Variants in PPL observed in about 807,000 individuals in gnomAD.
The protein encoded by PPL is periplakin.
A neutral mutation model predicts 194.4 loss-of-function variants in PPL; 198 were observed. That is an observed-to-expected ratio of 1.02 (90% CI 0.91 to 1.15). The LOEUF (loss-of-function observed/expected upper bound fraction) is 1.15, where lower values mean the gene tolerates loss of function less well. Among genes scored for constraint, PPL ranks in the 50% most tolerant of loss-of-function variants. The pLI, the probability that PPL is intolerant of heterozygous loss-of-function variation, is 0.00. For synonymous variants in PPL, 1,220 were observed against 972.4 expected (o/e 1.25, Z -4.74); for missense variants, 2,885 against 2,294.8 (o/e 1.26, Z -5.25).
In PPL at chr16:4,890,747, G is replaced by A. The variant is rs763851606; in HGVS notation, c.2143C>T (p.Arg715Cys). Residue 715 changes from arginine to cysteine, a missense_variant, in exon 17 of 22, where the codon CGC becomes TGC. By Grantham distance (180) the Arg-to-Cys change is radical. Transcript: ENST00000345988. ...CCTCACCTGCGTTCCACCTGCTGGC[G>A]CAGGTTGTTGAAACGCTGGCCCAGC... The part of the protein sequence containing the change: ...HKLGQRFNNL[R>C]QQVERRAQSL... 5.0e-6 allele frequency: 8 copies of A among 1,607,740 alleles called. No individual in the cohort carries two copies. Among genetic ancestry groups the A allele is most frequent in the Middle Eastern group, 1.6e-4 (1 of 6,074 alleles).
intron 6 of PPL, among the ~76,000 whole-genome samples, chr16:4,900,173 A>G (rs1323193052): frequency 1.3e-5 from 2 of 152,220 alleles, no homozygotes; most frequent in African/African-American, 4.8e-5. Flanking sequence ...AAGCGTTTGC[A>G]TAACACTTAT....
At chr16:4,930,327 G>A (rs1017496948) in intron 1 of PPL, among the ~76,000 whole-genome samples, 3 of 152,114 alleles carry the variant, frequency 2.0e-5, no homozygotes, top group Non-Finnish European at 4.4e-5. Flanking sequence ...TCTGCTCACC[G>A]TCCTGCACGC....
intron 1 of PPL, among the ~76,000 whole-genome samples, chr16:4,932,420 T>A (rs1389152148): frequency 1.3e-5 from 2 of 151,770 alleles, no homozygotes; most frequent in African/African-American, 4.8e-5. Flanking sequence ...TCTTTTTTTT[T>A]TTTTTTTGAG....
At chr16:4,925,207 G>A (rs775010327) in intron 1 of PPL, among the ~76,000 whole-genome samples, 5 of 151,804 alleles carry the variant, frequency 3.3e-5, no homozygotes, top group Middle Eastern at 3.4e-3. Flanking sequence ...CTGCCACCAC[G>A]GTCATCCTCT....
At chr16:4,931,089 T>A (rs1324964737) in intron 1 of PPL, among the ~76,000 whole-genome samples, 7 of 152,118 alleles carry the variant, frequency 4.6e-5, no homozygotes, top group Non-Finnish European at 1.0e-4. Context: ...AGGGCCTGCG[T>A]GCAGTGGCTC....
chr16:4,936,610 C>A (rs1242062532), intron 1 of PPL, among the ~76,000 whole-genome samples: 1 of 152,224 alleles, frequency 6.6e-6, no homozygotes, highest in African/African-American at 2.4e-5. Flanking sequence ...AAACTCCGCC[C>A]CCTCATCCAG....
Position 4,893,620 on chromosome 16 carries a change from C to A in PPL, c.1413G>T (p.Arg471=). The A allele has an allele frequency of 6.3e-7, 1 of 1,598,686 alleles. No individual in the cohort carries two copies. The highest frequency in any genetic ancestry group is 2.3e-5 in the East Asian group (1 of 43,918). ...ALADSLGSQY[R]SVRQKAAGSK... ...TCCCAGCTGCCTTCTGCCGCACGCT[C>A]CGGTACTGGCTGCCCAGGCTGTGAG... The change falls in exon 13 of 22, where the codon CGG becomes CGT. Residue 471 remains arginine, a synonymous_variant. Coordinates refer to ENST00000345988, the MANE Select transcript of PPL (RefSeq NM_002705.5).
intron 17 of PPL, 140 bp downstream of exon 17, chr16:4,890,588 C>T (rs943729890): frequency 1.1e-5 from 13 of 1,132,820 alleles, no homozygotes; most frequent in Admixed American, 8.7e-5. Context: ...AAAGAGAGAC[C>T]ACAGGGCCGT....
chr16:4,932,012 A>G (rs2908662), intron 1 of PPL, among the ~76,000 whole-genome samples: 115,937 of 152,080 alleles, frequency 0.76, 44,710 homozygotes, highest in Non-Finnish European at 0.81. Flanking sequence ...CACAAACACC[A>G]ATGACTCTAC....
chr16:4,909,943 C>T (rs1382119980), intron 2 of PPL, among the ~76,000 whole-genome samples: 1 of 152,158 alleles, frequency 6.6e-6, no homozygotes, highest in Non-Finnish European at 1.5e-5. Flanking sequence ...CTGGTAACTC[C>T]ACCTGCAGGC....
intron 6 of PPL, 91 bp from the exon 7 acceptor site, chr16:4,899,475 C>CTGGCCTGAGGAAAAGCCCAGCTATGGG: frequency 1.4e-6 from 1 of 709,084 alleles, no homozygotes; most frequent in Non-Finnish European, 2.3e-6. Context: ...CCAGCTATGG[C>CTGGCCTGAGGAAAAGCCCAGCTATGGG]TGGCCTGAGG....
intron 1 of PPL, among the ~76,000 whole-genome samples, chr16:4,919,249 C>A (rs2088988618): frequency 6.6e-6 from 1 of 152,148 alleles, no homozygotes; most frequent in South Asian, 2.1e-4. Context: ...ATGAGCAAAC[C>A]AAGGTCCCGG....
At chr16:4,903,846 C>G in intron 3 of PPL, 40 bp downstream of exon 3, 1 of 1,609,564 alleles carries the variant, frequency 6.2e-7, no homozygotes, top group Non-Finnish European at 8.5e-7. Flanking sequence ...GCCCATAGCC[C>G]CCAATGGCTC....
Position 4,883,269 on chromosome 16 carries a change from T to C in PPL, c.*115A>G. 2.1e-6 allele frequency: 3 copies of C among 1,411,540 alleles called. No homozygotes were observed. The highest frequency in any genetic ancestry group is 2.9e-6 in the Non-Finnish European group (3 of 1,030,262). The allele number at this position is 1,411,540 out of a possible 1,614,324, so 87.4% of individuals were successfully genotyped here. On this transcript the variant is annotated 3_prime_UTR_variant, in exon 22 of 22. Coordinates refer to ENST00000345988, the MANE Select transcript of PPL (RefSeq NM_002705.5). The surrounding 1 kb of genome is among the most constrained non-coding windows in gnomAD (Gnocchi z 4.8). ...ACTCTGAGCAGCCTGGCAGCGAGGGTATGTATAAAATGCTTGGCCTGCACC... is the reference window on the plus strand; with the variant it reads ...ACTCTGAGCAGCCTGGCAGCGAGGGCATGTATAAAATGCTTGGCCTGCACC...
rs749149899 is a variant in PPL at position 4,899,154 on chromosome 16, C to A, written c.769-34G>T. Reference sequence around the variant, plus strand: ...GGGGGCAGTGGAGGGGCCTCAGTGCCCAGCCTGGCGGTCCCGTGCTCCTTC... The same window carrying A: ...GGGGGCAGTGGAGGGGCCTCAGTGCACAGCCTGGCGGTCCCGTGCTCCTTC... On this transcript the variant is annotated intron_variant, in intron 7 of 21. Transcript: ENST00000345988. 36 of 1,613,516 alleles carry A rather than the reference C, an allele frequency of 2.2e-5. No individual in the cohort carries two copies. In the Middle Eastern group the frequency reaches 8.2e-4, roughly 37 times the overall value.
Position 4,891,619 on chromosome 16 carries a change from C to T in PPL, c.1968+192G>A, listed in dbSNP as rs184330774. The T allele has an allele frequency of 8.8e-4, 564 of 638,390 alleles. 1 individual carries two copies. The highest frequency in any genetic ancestry group is 1.3e-3 in the Non-Finnish European group (529 of 394,490). 39.5% of individuals were successfully genotyped at this position (638,390 alleles called of 1,614,324 possible). On this transcript the variant is annotated intron_variant, in intron 16 of 21. Coordinates refer to ENST00000345988, the MANE Select transcript of PPL (RefSeq NM_002705.5). ...CTTAAAATGCTGGCACCCGAAATCC[C>T]GTAAGTCACACAGATCCCGTGAATA...
Position 4,884,030 on chromosome 16 carries a change from G to C in PPL, c.4625C>G (p.Ala1542Gly), listed in dbSNP as rs745836696. ...ELDVEVSRLE[A>G]RLSELEFHNS... is the part of the protein sequence containing the mutation. ...ATGGAATTCCAGCTCCGAAAGCCTG[G>C]CTTCCAGCCGGCTCACCTCGACGTC... The change falls in exon 22 of 22, where the codon GCC (alanine) becomes GGC (glycine). Residue 1542 changes from alanine (A) to glycine (G), a missense_variant. Ala to Gly is a moderately conservative substitution (Grantham distance 60). Transcript: ENST00000345988. The surrounding 1 kb of genome is among the most constrained non-coding windows in gnomAD (Gnocchi z 5.7). 2 of 1,613,536 alleles carry C rather than the reference G, an allele frequency of 1.2e-6. No individual in the cohort carries two copies. The highest frequency in any genetic ancestry group is 2.7e-5 in the African/African-American group (2 of 74,896).
In PPL at chr16:4,907,379, T is replaced by C. The variant is rs149663005; in HGVS notation, c.163-3339A>G. 5.7e-3 allele frequency among the ~76,000 whole-genome samples: 862 copies of C among 150,344 alleles called. 10 individuals carry two copies. The highest frequency in any genetic ancestry group is 0.02 in the African/African-American group (795 of 40,446). On this transcript the variant is annotated intron_variant, in intron 2 of 21. Transcript: ENST00000345988. ...ACGGACAGATACATGATAAAGCCAA[T>C]TCAGCAGACGTTCCTTGTAGGATCA...
rs1220075879 is a variant in PPL, at chr16:4,901,021, G to A, written c.507C>T (p.Asn169=). 6.2e-7 allele frequency: 1 copy of A among 1,614,214 alleles called. No individual in the cohort carries two copies. The highest frequency in any genetic ancestry group is 8.5e-7 in the Non-Finnish European group (1 of 1,180,036). Residue 169 remains asparagine, a synonymous_variant, in exon 5 of 22, where the codon AAC becomes AAT. Coordinates refer to ENST00000345988, the MANE Select transcript of PPL (RefSeq NM_002705.5). ...PLVDHQVEEH[N]IFHNEVKAIG... is the part of the protein sequence containing the mutation. ...TGGCCTTGACCTCATTGTGGAAGATGTTATGCTCCTCCACTTGGTGGTCCA... is the reference window on the plus strand; with the variant it reads ...TGGCCTTGACCTCATTGTGGAAGATATTATGCTCCTCCACTTGGTGGTCCA...
Sources: allele counts gnomAD v4.1 joint callset (sites outside exome capture counted in the v4.1 genomes callset), GRCh38; gene constraint gnomAD v4.1.1; non-coding constraint Gnocchi (gnomAD v3.1); transcripts MANE v1.5; gene names NCBI Gene and HGNC (gene_info 2026-07-23, HGNC 2026-07-21).